PSPH: variants seen among roughly 807,000 people sequenced by gnomAD.
PSPH encodes the protein phosphoserine phosphatase.
In PSPH, 16 loss-of-function variants were observed where a neutral mutation model predicts 23.4. The ratio of observed to expected loss-of-function variants is 0.68; its 90% CI spans 0.46 to 1.04. The LOEUF (loss-of-function observed/expected upper bound fraction) is 1.04. Among genes scored for constraint, PSPH ranks in the 50% least tolerant of loss-of-function variants. The pLI, the probability that PSPH is intolerant of heterozygous loss-of-function variation, is 0.00. For synonymous variants in PSPH, 68 were observed against 99.7 expected (o/e 0.68, Z 1.89); for missense variants, 223 against 273.7 (o/e 0.81, Z 1.31).
In PSPH at chr7:56,037,927, G is replaced by A. The variant is rs190407184; in HGVS notation, c.-291-3821C>T. Among the ~76,000 whole-genome samples, 531 of 151,434 alleles carry A rather than the reference G, an allele frequency of 3.5e-3. 10 individuals are homozygous for A. Among genetic ancestry groups the A allele is most frequent in the Admixed American group, 0.03 (449 of 15,144 alleles). On this transcript the variant is annotated intron_variant, in intron 1 of 7. Transcript: ENST00000275605. ...GGGGTTTCACCATGTTGGATAGGCT[G>A]GTCTTGAACCCCTGGCCTCAGGTGA... is the stretch of plus-strand genomic sequence containing the variant.
At chr7:56,042,777 C>T (rs971080605) in intron 1 of PSPH, among the ~76,000 whole-genome samples, 3 of 151,872 alleles carry the variant, frequency 2.0e-5, no homozygotes, top group Non-Finnish European at 4.4e-5. Context: ...TGAGCCTAGG[C>T]GTTCAGATCC....
intron 3 of PSPH, among the ~76,000 whole-genome samples, chr7:56,027,234 T>C (rs781608657): frequency 6.9e-6 from 1 of 145,960 alleles, no homozygotes. Flanking sequence ...AAAAAGAAGA[T>C]GCATGAGGCA....
At chr7:56,046,139 T>G (rs564974765) in intron 1 of PSPH, among the ~76,000 whole-genome samples, 1 of 151,934 alleles carries the variant, frequency 6.6e-6, no homozygotes, top group Non-Finnish European at 1.5e-5. Context: ...TTTTTATTAT[T>G]TATTTATTAT....
At chr7:56,029,325 G>A (rs368389713) in intron 3 of PSPH, among the ~76,000 whole-genome samples, 8 of 151,978 alleles carry the variant, frequency 5.3e-5, no homozygotes, top group South Asian at 2.1e-4. Context: ...GAGGGAGAGG[G>A]CAGGGCCAGG....
chr7:56,018,979 AT>A (rs957175087), intron 5 of PSPH, among the ~76,000 whole-genome samples: 37 of 148,812 alleles, frequency 2.5e-4, no homozygotes, highest in East Asian at 2.3e-3. Flanking sequence ...CTCAAAAAAA[AT>A]TTTTTTTTAA....
Position 56,019,933 on chromosome 7 carries a change from A to C in PSPH, c.141-199T>G, listed in dbSNP as rs1268334073. 11 of 710,098 alleles carry C rather than the reference A, an allele frequency of 1.5e-5. No homozygotes were observed. In the East Asian group the frequency reaches 3.0e-4, roughly 20 times the overall value. 44.0% of individuals were successfully genotyped at this position (710,098 alleles called of 1,614,324 possible). A position where few individuals can be genotyped will look rare whatever the true frequency, so the allele number is the denominator to read the frequency against. On this transcript the variant is annotated intron_variant, in intron 4 of 7. Coordinates refer to ENST00000275605, the MANE Select transcript of PSPH (RefSeq NM_004577.4). The stretch of plus-strand genomic sequence containing the variant: ...AGGATTGCTTGAAAATAACATTAAC[A>C]GGCTGGGTGCAGTGACTCATGCCCA...
chr7:56,041,369 T>C (rs1792519533), intron 1 of PSPH, among the ~76,000 whole-genome samples: 2 of 151,868 alleles, frequency 1.3e-5, no homozygotes. Context: ...CCTGCCACCA[T>C]GCCCAGCTAA....
intron 4 of PSPH, among the ~76,000 whole-genome samples, chr7:56,020,025 T>C (rs530361656): frequency 2.0e-5 from 3 of 152,154 alleles, no homozygotes; most frequent in Non-Finnish European, 4.4e-5. Context: ...GAGACCAGCC[T>C]GGTCAACATG....
chr7:56,049,295 C>T (rs1279520842), intron 1 of PSPH, among the ~76,000 whole-genome samples: 1 of 152,120 alleles, frequency 6.6e-6, no homozygotes, highest in Non-Finnish European at 1.5e-5. Context: ...CTTGCTCCCA[C>T]CCCCTGACAG....
In PSPH at chr7:56,017,316, C is replaced by G; in HGVS notation, c.339G>C (p.Arg113Ser). 1 of 1,613,318 alleles carries G rather than the reference C, an allele frequency of 6.2e-7. No homozygotes were observed. Among genetic ancestry groups the G allele is most frequent in the Non-Finnish European group, 8.5e-7 (1 of 1,179,576 alleles). ...TTGAAGCAACATGCTCTACAATACTCCTAAAGCCACCAGATATTAGGAAAA... is the reference window on the plus strand; with the variant it reads ...TTGAAGCAACATGCTCTACAATACTGCTAAAGCCACCAGATATTAGGAAAA... Reference protein sequence around the residue: ...VQVFLISGGFRSIVEHVASKL... With the variant: ...VQVFLISGGFSSIVEHVASKL... Residue 113 changes from arginine to serine, a missense_variant, in exon 6 of 8, where the codon AGG becomes AGC. Arg to Ser is a moderately radical substitution (Grantham distance 110, BLOSUM62 -1). Coordinates refer to ENST00000275605, the MANE Select transcript of PSPH (RefSeq NM_004577.4).
chr7:56,025,747 C>T (rs550791595), intron 3 of PSPH, among the ~76,000 whole-genome samples: 1 of 152,236 alleles, frequency 6.6e-6, no homozygotes, highest in African/African-American at 2.4e-5. Context: ...GCACGTGCCA[C>T]CACATCCAGC....
At chr7:56,039,787 A>T (rs1026976212) in intron 1 of PSPH, among the ~76,000 whole-genome samples, 1 of 149,212 alleles carries the variant, frequency 6.7e-6, no homozygotes, top group African/African-American at 2.5e-5. Flanking sequence ...AAAAAAAAAA[A>T]AAAAAATTAA....
chr7:56,032,713 G>A (rs1452727310), intron 2 of PSPH, among the ~76,000 whole-genome samples: 1 of 151,980 alleles, frequency 6.6e-6, no homozygotes, highest in Non-Finnish European at 1.5e-5. Flanking sequence ...CACTTCGGGA[G>A]GCCGAGGAGG....
chr7:56,041,661 C>T (rs1792556539), intron 1 of PSPH, among the ~76,000 whole-genome samples: 2 of 152,108 alleles, frequency 1.3e-5, no homozygotes, highest in South Asian at 4.1e-4. Flanking sequence ...CGGTGGCTCA[C>T]ACTTGTAATC....
chr7:56,017,794 C>A (rs1256167890), intron 5 of PSPH, among the ~76,000 whole-genome samples: 2 of 150,276 alleles, frequency 1.3e-5, no homozygotes, highest in Non-Finnish European at 2.9e-5. Flanking sequence ...GCGATCTCAG[C>A]TCACTGCAAC....
chr7:56,048,286 A>T (rs1205952278), intron 1 of PSPH, among the ~76,000 whole-genome samples: 2 of 105,182 alleles, frequency 1.9e-5, no homozygotes, highest in East Asian at 2.5e-4. Flanking sequence ...TCTTTAAAAA[A>T]TTTGAAAAAA....
At position 56,040,071 on chromosome 7, in the gene PSPH, C is replaced by A. The variant is rs191026364; in HGVS notation, c.-291-5965G>T. 5.2e-3 allele frequency among the ~76,000 whole-genome samples: 793 copies of A among 151,364 alleles called. 10 individuals are homozygous for A. Among genetic ancestry groups the A allele is most frequent in the African/African-American group, 0.018 (724 of 41,354 alleles). On this transcript the variant is annotated intron_variant, in intron 1 of 7. Coordinates refer to ENST00000275605, the MANE Select transcript of PSPH (RefSeq NM_004577.4). ...CTGAGATCGTGCCACTGCACTCCAG[C>A]CTGGGTGACAGAGCAAGACTCCATC... is the stretch of plus-strand genomic sequence containing the variant.
At position 56,012,749 on chromosome 7, in the gene PSPH, C is replaced by T. The variant is rs191029406; in HGVS notation, c.571-880G>A. Among the ~76,000 whole-genome samples the T allele has an allele frequency of 3.2e-3, 481 of 148,798 alleles. 1 individual carries two copies. Among genetic ancestry groups the T allele is most frequent in the Non-Finnish European group, 5.9e-3 (394 of 67,190 alleles). On this transcript the variant is annotated intron_variant, in intron 7 of 7. Coordinates refer to ENST00000275605, the MANE Select transcript of PSPH (RefSeq NM_004577.4). The stretch of plus-strand genomic sequence containing the variant: ...CACTAGCCTCGCCAACATGGTGAAA[C>T]CCTGTCTCTAATTTTTTTGTATTTT...
intron 3 of PSPH, among the ~76,000 whole-genome samples, chr7:56,029,980 AAAAAAAAAAAAG>A (rs1264153925): frequency 1.4e-5 from 2 of 142,378 alleles, no homozygotes; most frequent in African/African-American, 5.1e-5. Context: ...CTCCATCTCA[AAAAAAAAAAAAG>A]AAAAAAAAAA....
Sources: gnomAD v4.1 joint callset for allele counts (sites outside exome capture counted in the v4.1 genomes callset) on GRCh38, gnomAD v4.1.1 for gene constraint, MANE v1.5 for transcripts, NCBI Gene and HGNC (gene_info 2026-07-23, HGNC 2026-07-21) for gene names.